Variants in MAP4K4 observed in about 807,000 individuals in gnomAD.
MAP4K4 encodes the protein HPK/GCK-like kinase HGK.
Under a neutral mutation model 189.6 loss-of-function variants are expected in MAP4K4, and 38 were observed. The observed-to-expected ratio is 0.20, with a 90% CI of 0.15 to 0.26. The LOEUF is 0.26. MAP4K4 is among the 10% of genes least tolerant of loss of function. MAP4K4 has a pLI of 1.00. For missense variants in MAP4K4, 1,054 were observed against 1,726.9 expected (o/e 0.61, Z 6.91); for synonymous variants, 610 against 624.3 (o/e 0.98, Z 0.34).
At chr2:101,744,349 G>A (rs2064196779) in intron 2 of MAP4K4, among the ~76,000 whole-genome samples, 1 of 152,224 alleles carries the variant, frequency 6.6e-6, no homozygotes, top group South Asian at 2.1e-4. Flanking sequence ...GCAGTGTGTA[G>A]TATACGTTTA....
intron 2 of MAP4K4, among the ~76,000 whole-genome samples, chr2:101,720,683 C>T (rs1336793043): frequency 1.3e-5 from 2 of 152,180 alleles, no homozygotes; most frequent in South Asian, 2.1e-4. Context: ...CCTTTATGAG[C>T]GGGCACTGAT....
At chr2:101,743,383 A>T (rs2063709656) in intron 2 of MAP4K4, among the ~76,000 whole-genome samples, 1 of 152,180 alleles carries the variant, frequency 6.6e-6, no homozygotes, top group African/African-American at 2.4e-5. Context: ...AGACTCAATA[A>T]TAAGGAAGAG....
intron 14 of MAP4K4, 126 bp downstream of exon 14, chr2:101,859,208 A>G: frequency 1.4e-6 from 1 of 707,436 alleles, no homozygotes; most frequent in African/African-American, 1.8e-5. Context: ...TGAAATAGTG[A>G]TGCCCATTTT....
At chr2:101,718,170 C>G (rs557992594) in intron 2 of MAP4K4, among the ~76,000 whole-genome samples, 5 of 151,392 alleles carry the variant, frequency 3.3e-5, no homozygotes, top group African/African-American at 1.2e-4. Flanking sequence ...GCAGGAGAAT[C>G]ACTTGAACCT....
chr2:101,745,986 G>A (rs1040347747), intron 2 of MAP4K4, among the ~76,000 whole-genome samples: 1 of 149,174 alleles, frequency 6.7e-6, no homozygotes, highest in Non-Finnish European at 1.5e-5. Context: ...GTGTGTGTGT[G>A]TGTGTGTGTG....
chr2:101,813,000 G>A (rs1487600604), intron 3 of MAP4K4, among the ~76,000 whole-genome samples: 10 of 152,130 alleles, frequency 6.6e-5, no homozygotes, highest in Admixed American at 6.5e-5. Flanking sequence ...ACGGTGGCGG[G>A]TGCCTGTAGT....
chr2:101,727,114 C>T (rs931235409), intron 2 of MAP4K4, among the ~76,000 whole-genome samples: 7 of 152,148 alleles, frequency 4.6e-5, no homozygotes, highest in Non-Finnish European at 1.0e-4. Context: ...AAAGGCCCCA[C>T]CTCAATATTG....
intron 3 of MAP4K4, among the ~76,000 whole-genome samples, chr2:101,821,027 G>A (rs141061323): frequency 5.9e-5 from 9 of 151,916 alleles, no homozygotes; most frequent in Middle Eastern, 3.4e-3. Flanking sequence ...AAATAGAAGT[G>A]TTTTGTTTTA....
chr2:101,882,092 A>G (rs1033964983), intron 27 of MAP4K4, among the ~76,000 whole-genome samples: 1 of 152,220 alleles, frequency 6.6e-6, no homozygotes, highest in Non-Finnish European at 1.5e-5. Context: ...CAAACTTACA[A>G]AAACAGTTCT....
chr2:101,701,851 ATGTTATTTTGGATTTTATTGTTATTT>A (rs1413935907), intron 2 of MAP4K4, among the ~76,000 whole-genome samples: 1 of 148,818 alleles, frequency 6.7e-6, no homozygotes, highest in African/African-American at 2.4e-5. Flanking sequence ...GTTTGTTTCC[ATGTTATTTTGGATTTTATTGTTATTT>A]TGTTTTGAGA....
intron 2 of MAP4K4, among the ~76,000 whole-genome samples, chr2:101,756,665 C>T (rs2072980993): frequency 6.6e-6 from 1 of 152,032 alleles, no homozygotes; most frequent in Non-Finnish European, 1.5e-5. Flanking sequence ...GGTGATCCTC[C>T]CACCTCAGCT....
At chr2:101,730,024 G>A (rs1051339378) in intron 2 of MAP4K4, among the ~76,000 whole-genome samples, 13 of 152,158 alleles carry the variant, frequency 8.5e-5, no homozygotes, top group African/African-American at 3.1e-4. Context: ...AGCATGAGAC[G>A]GAACATCTTC....
intron 2 of MAP4K4, among the ~76,000 whole-genome samples, chr2:101,721,362 G>A (rs954113219): frequency 6.6e-6 from 1 of 151,660 alleles, no homozygotes; most frequent in Admixed American, 6.6e-5. Flanking sequence ...AGGGATAGCT[G>A]ATTGGGCAGG....
chr2:101,867,999 C>T (rs747790974), intron 20 of MAP4K4, 30 bp from the exon 21 acceptor site: 140 of 1,612,754 alleles, frequency 8.7e-5, no homozygotes, highest in African/African-American at 2.0e-4. Flanking sequence ...GATGGCTTCT[C>T]GGACTCCACG....
At chr2:101,820,526 C>T (rs1188369159) in intron 3 of MAP4K4, among the ~76,000 whole-genome samples, 1 of 152,236 alleles carries the variant, frequency 6.6e-6, no homozygotes, top group African/African-American at 2.4e-5. Flanking sequence ...CATTAGTTCA[C>T]TTTCTGGTCA....
chr2:101,839,819 G>T, exon 10 of MAP4K4: 1 of 1,580,548 alleles, frequency 6.3e-7, no homozygotes, highest in Non-Finnish European at 8.6e-7. Context: ...CTTCTTACAG[G>T]TCGAAGAAGT....
chr2:101,843,604 A>T (rs137908486), intron 11 of MAP4K4, among the ~76,000 whole-genome samples: 1 of 152,082 alleles, frequency 6.6e-6, no homozygotes, highest in African/African-American at 2.4e-5. Context: ...TGTTTAATTG[A>T]TCTGTGTAGT....
chr2:101,715,494 T>G (rs2047900139), intron 2 of MAP4K4, among the ~76,000 whole-genome samples: 1 of 152,186 alleles, frequency 6.6e-6, no homozygotes, highest in Non-Finnish European at 1.5e-5. Context: ...AGGTAGAATA[T>G]CCCTTATCTG....
intron 2 of MAP4K4, among the ~76,000 whole-genome samples, chr2:101,747,950 T>C (rs2066498910): frequency 6.6e-6 from 1 of 152,250 alleles, no homozygotes; most frequent in Non-Finnish European, 1.5e-5. Flanking sequence ...GGTGTCGTGA[T>C]GAATGTCACC....
Sources: gnomAD v4.1 joint callset for allele counts (sites outside exome capture counted in the v4.1 genomes callset) on GRCh38, gnomAD v4.1.1 for gene constraint, MANE v1.5 for transcripts, NCBI Gene and HGNC (gene_info 2026-07-23, HGNC 2026-07-21) for gene names.